The following GTF2IRD1 variants were observed in gnomAD, a reference collection of about 807,000 sequenced individuals.
The protein encoded by GTF2IRD1 is general transcription factor II-I repeat domain-containing protein 1.
Under a neutral mutation model 113.2 loss-of-function variants are expected in GTF2IRD1, and 26 were observed. The observed-to-expected ratio is 0.23, with a 90% confidence interval of 0.17 to 0.32. The LOEUF is 0.32. Among genes scored for constraint, GTF2IRD1 ranks in the 10% least tolerant of loss-of-function variants. GTF2IRD1 has a pLI of 1.00. For missense variants in GTF2IRD1, 864 were observed against 1,280.8 expected (o/e 0.67, Z 4.97); for synonymous variants, 484 against 529.1 (o/e 0.91, Z 1.17).
chr7:74,586,229 G>A (rs1304138371), intron 22 of GTF2IRD1, among the ~76,000 whole-genome samples: 1 of 152,196 alleles, frequency 6.6e-6, no homozygotes, highest in Non-Finnish European at 1.5e-5. Flanking sequence ...GGCTCTAGGA[G>A]CTGGTCCTTG....
At chr7:74,529,139 G>A (rs937928391) in intron 8 of GTF2IRD1, among the ~76,000 whole-genome samples, 8 of 152,112 alleles carry the variant, frequency 5.3e-5, no homozygotes, top group Admixed American at 2.6e-4. Context: ...CCAAGGGGGC[G>A]GCAGGGGTAG....
Position 74,456,814 on chromosome 7 carries a change from T to TG in GTF2IRD1, c.-7+2644dup, listed in dbSNP as rs372271656. Among the ~76,000 whole-genome samples, 341 of 152,190 alleles carry TG rather than the reference T, an allele frequency of 2.2e-3. 2 individuals are homozygous for TG. The highest frequency in any genetic ancestry group is 7.8e-3 in the African/African-American group (325 of 41,550). ...TTCTTGGCCTTTCCCCTGAGGAGGC[T>TG]GGGGGGCTTCCTTTATTAGCCCTGC... On this transcript the variant is annotated intron_variant, in intron 1 of 26. Coordinates refer to ENST00000424337, the MANE Select transcript of GTF2IRD1 (RefSeq NM_005685.4).
chr7:74,558,198 G>T (rs1554357782), intron 20 of GTF2IRD1, among the ~76,000 whole-genome samples: 1 of 150,676 alleles, frequency 6.6e-6, no homozygotes, highest in African/African-American at 2.4e-5. Flanking sequence ...AGAATCGCTT[G>T]AGCCTGCGAG....
chr7:74,454,691 G>T (rs541733220), intron 1 of GTF2IRD1, among the ~76,000 whole-genome samples: 40 of 152,110 alleles, frequency 2.6e-4, no homozygotes, highest in Non-Finnish European at 4.3e-4. Context: ...GGTGGTTCCT[G>T]TAGTGGACCC....
chr7:74,523,640 G>A (rs1554346498), intron 7 of GTF2IRD1, among the ~76,000 whole-genome samples: 9 of 151,926 alleles, frequency 5.9e-5, no homozygotes. Context: ...AGAATCGCTT[G>A]AACCTGGGAG....
intron 22 of GTF2IRD1, among the ~76,000 whole-genome samples, chr7:74,585,094 GC>G (rs1801644014): frequency 6.7e-6 from 1 of 148,634 alleles, no homozygotes; most frequent in African/African-American, 2.5e-5. Flanking sequence ...GAGCCACCGC[GC>G]CCAGCCTGTT....
At chr7:74,500,690 T>C (rs1554339223) in intron 1 of GTF2IRD1, among the ~76,000 whole-genome samples, 1 of 152,168 alleles carries the variant, frequency 6.6e-6, no homozygotes, top group African/African-American at 2.4e-5. Context: ...ATTTGCATGC[T>C]CTGACACACA....
chr7:74,557,181 G>C (rs1799650382), intron 19 of GTF2IRD1, among the ~76,000 whole-genome samples: 1 of 152,196 alleles, frequency 6.6e-6, no homozygotes, highest in Non-Finnish European at 1.5e-5. Flanking sequence ...GGGAGGTGGA[G>C]GTTCCATTGG....
chr7:74,459,602 C>G (rs1229313283), intron 1 of GTF2IRD1, among the ~76,000 whole-genome samples: 1 of 152,148 alleles, frequency 6.6e-6, no homozygotes, highest in Non-Finnish European at 1.5e-5. Flanking sequence ...TGACCCAGAG[C>G]TATTTGTGTG....
At chr7:74,503,909 CCTCT>C (rs1184319574) in intron 1 of GTF2IRD1, among the ~76,000 whole-genome samples, 1 of 152,082 alleles carries the variant, frequency 6.6e-6, no homozygotes, top group Non-Finnish European at 1.5e-5. Flanking sequence ...CTCCTTTTCC[CCTCT>C]CTCCCTGCTT....
At chr7:74,566,648 T>C (rs1554360765) in intron 22 of GTF2IRD1, among the ~76,000 whole-genome samples, 1 of 152,126 alleles carries the variant, frequency 6.6e-6, no homozygotes. Flanking sequence ...GACCACGTCA[T>C]ACTTACGATT....
intron 22 of GTF2IRD1, among the ~76,000 whole-genome samples, chr7:74,587,962 G>A (rs1358788884): frequency 1.3e-5 from 2 of 152,080 alleles, no homozygotes; most frequent in African/African-American, 4.8e-5. Context: ...TCAGCGAGCG[G>A]TCAGGGGATT....
Position 74,529,764 on chromosome 7 carries a change from C to G in GTF2IRD1, c.1121C>G (p.Pro374Arg). The change falls in exon 9 of 27, where the codon CCC becomes CGC. Residue 374 changes from proline (P) to arginine (R), a missense_variant. Pro to Arg is a moderately radical substitution (Grantham distance 103, BLOSUM62 -2). Coordinates refer to ENST00000424337, the MANE Select transcript of GTF2IRD1 (RefSeq NM_005685.4). ...AEALGLDHMVPVPYRKIACDP... is the reference protein window; with the variant it reads ...AEALGLDHMVRVPYRKIACDP... Reference sequence around the variant, plus strand: ...GCCCTGGGCCTGGACCACATGGTCCCCGTGCCCTACCGGAAGATTGCCTGT... The same window carrying G: ...GCCCTGGGCCTGGACCACATGGTCCGCGTGCCCTACCGGAAGATTGCCTGT... 6.2e-7 allele frequency: 1 copy of G among 1,614,048 alleles called. No individual in the cohort carries two copies.
chr7:74,577,461 C>G (rs1484004831), intron 22 of GTF2IRD1, among the ~76,000 whole-genome samples: 11 of 152,156 alleles, frequency 7.2e-5, no homozygotes, highest in African/African-American at 2.7e-4. Flanking sequence ...CTTGACTCTT[C>G]GTGCCTAAAT....
chr7:74,461,288 C>A (rs1793348842), intron 1 of GTF2IRD1, among the ~76,000 whole-genome samples: 2 of 152,082 alleles, frequency 1.3e-5, no homozygotes, highest in South Asian at 4.1e-4. Context: ...GCAGCTTAGC[C>A]CTTTCCCCTC....
intron 4 of GTF2IRD1, 52 bp downstream of exon 4, chr7:74,515,648 G>T: frequency 6.5e-7 from 1 of 1,546,794 alleles, no homozygotes; most frequent in Non-Finnish European, 8.8e-7. Context: ...TGGGAGCCTC[G>T]GTCCCCACCC....
intron 16 of GTF2IRD1, among the ~76,000 whole-genome samples, 194 bp from the exon 17 acceptor site, chr7:74,546,909 C>T (rs1798977629): frequency 6.6e-6 from 1 of 152,196 alleles, no homozygotes; most frequent in South Asian, 2.1e-4. Flanking sequence ...TGACCTCAGA[C>T]AAGTCACGTC....
chr7:74,551,674 A>G (rs1799315263), intron 17 of GTF2IRD1, among the ~76,000 whole-genome samples: 1 of 152,154 alleles, frequency 6.6e-6, no homozygotes, highest in Non-Finnish European at 1.5e-5. Flanking sequence ...GTGGTGGCTC[A>G]CACCTGTAAT....
chr7:74,498,022 T>G (rs1795827075), intron 1 of GTF2IRD1, among the ~76,000 whole-genome samples: 1 of 150,022 alleles, frequency 6.7e-6, no homozygotes, highest in Non-Finnish European at 1.5e-5. Flanking sequence ...TTTTTTATAG[T>G]AGGTATCCTG....
Sources: gnomAD v4.1 joint callset for allele counts (sites outside exome capture counted in the v4.1 genomes callset) on GRCh38, gnomAD v4.1.1 for gene constraint, MANE v1.5 for transcripts, NCBI Gene and HGNC (gene_info 2026-07-23, HGNC 2026-07-21) for gene names.